The following SI variants were observed in gnomAD, a reference collection of about 807,000 sequenced individuals.
The protein encoded by SI is sucrase-isomaltase, intestinal.
SI carries 235 observed loss-of-function variants against 253.3 expected under a neutral mutation model. That is an observed-to-expected ratio of 0.93 (90% CI 0.83 to 1.03). The LOEUF (loss-of-function observed/expected upper bound fraction) is 1.03, where lower values mean the gene tolerates loss of function less well. SI is among the 50% of genes least tolerant of loss of function. SI has a pLI of 0.00. For missense variants in SI, 2,442 were observed against 2,211.1 expected (o/e 1.10, Z -2.09); for synonymous variants, 819 against 712.0 (o/e 1.15, Z -2.39).
At chr3:165,058,399 C>T (rs933977965) in intron 12 of SI, among the ~76,000 whole-genome samples, 2 of 151,248 alleles carry the variant, frequency 1.3e-5, no homozygotes, top group Admixed American at 1.3e-4. Context: ...CAAGAGCAAA[C>T]CAAACCCTAA....
chr3:165,002,367 A>T (rs1285688242), intron 37 of SI, among the ~76,000 whole-genome samples: 1 of 151,744 alleles, frequency 6.6e-6, no homozygotes, highest in African/African-American at 2.4e-5. Flanking sequence ...AGTGTCCATG[A>T]TTCTTTGTGT....
chr3:165,059,812 A>G, intron 10 of SI, 90 bp downstream of exon 10: 1 of 1,285,716 alleles, frequency 7.8e-7, no homozygotes. Context: ...TAATGTATAT[A>G]GTAGATACTC....
chr3:165,037,961 A>T lies in SI; in HGVS notation c.2365T>A (p.Leu789Ile). Residue 789 changes from leucine (L) to isoleucine (I), a missense_variant, in exon 21 of 48, where the codon TTA becomes ATA. Physicochemically the swap from Leu to Ile is conservative, Grantham distance 5. Transcript: ENST00000264382. ...ATGATATAACCTCCTCTAAGATGTA[A>T]TCCTATTTTGTCTGCTGGAAGATAC... The part of the protein sequence containing the change: ...DMYLPADKIG[L>I]HLRGGYIIPI... 6.2e-7 allele frequency: 1 copy of T among 1,611,664 alleles called. No individual in the cohort carries two copies. Among genetic ancestry groups the T allele is most frequent in the Non-Finnish European group, 8.5e-7 (1 of 1,178,542 alleles).
At chr3:165,062,238 A>C in intron 9 of SI, 133 bp downstream of exon 9, 1 of 630,624 alleles carries the variant, frequency 1.6e-6, no homozygotes, top group Non-Finnish European at 2.9e-6. Context: ...TGCATCTTAA[A>C]TATGATAAGA....
intron 28 of SI, 119 bp from the exon 29 acceptor site, chr3:165,018,185 A>T (rs895194004): frequency 4.4e-6 from 3 of 678,044 alleles, no homozygotes; most frequent in Middle Eastern, 4.1e-4. Flanking sequence ...CCGTTTCCCA[A>T]CCTTAAACTA....
At chr3:165,046,467 G>T (rs1713122147) in intron 16 of SI, among the ~76,000 whole-genome samples, 1 of 151,572 alleles carries the variant, frequency 6.6e-6, no homozygotes, top group Non-Finnish European at 1.5e-5. Flanking sequence ...ATCTAAACTG[G>T]TAATCTAATA....
At chr3:165,019,561 G>T (rs369094576) in intron 28 of SI, 41 bp downstream of exon 28, 173 of 1,584,452 alleles carry the variant, frequency 1.1e-4, no homozygotes, top group Non-Finnish European at 1.5e-4. Flanking sequence ...TCTACTCATG[G>T]TCTTAGTTGC....
At chr3:165,029,459 T>A (rs750775399) in intron 25 of SI, among the ~76,000 whole-genome samples, 2 of 149,882 alleles carry the variant, frequency 1.3e-5, no homozygotes, top group Non-Finnish European at 3.0e-5. Context: ...GAAGTAATTA[T>A]ACAAAAAAGA....
rs373117775 is a variant in SI, at chr3:165,022,288, T to C, written c.3100-905A>G. ...GTTAGAAAATGTGTAGATTTTTACC[T>C]ATGTCACTTAACGCCTTTTTATCTG... On this transcript the variant is annotated intron_variant, in intron 26 of 47. Transcript: ENST00000264382. Among the ~76,000 whole-genome samples, 15 of 151,402 alleles carry C rather than the reference T, an allele frequency of 9.9e-5. No individual in the cohort carries two copies. The East Asian group carries it at 2.7e-3, about 28-fold the overall frequency.
At chr3:164,992,446 C>T in intron 41 of SI, 49 bp from the exon 42 acceptor site, 1 of 1,206,188 alleles carries the variant, frequency 8.3e-7, no homozygotes, top group Admixed American at 1.9e-5. Flanking sequence ...TAACTTTCTT[C>T]TGAATACCAT....
chr3:165,028,017 T>C (rs1316787886), intron 25 of SI, among the ~76,000 whole-genome samples: 1 of 151,432 alleles, frequency 6.6e-6, no homozygotes, highest in East Asian at 1.9e-4. Flanking sequence ...GCTGATGATA[T>C]GATTGTTTAC....
Position 165,043,044 on chromosome 3 carries a change from A to G in SI, c.2004+15T>C, listed in dbSNP as rs1712928698. 3 of 1,438,678 alleles carry G rather than the reference A, an allele frequency of 2.1e-6. No homozygotes were observed. The South Asian group carries it at 3.4e-5, about 16-fold the overall frequency. 89.1% of individuals were successfully genotyped at this position (1,438,678 alleles called of 1,614,324 possible). On this transcript the variant is annotated intron_variant, in intron 17 of 47. Transcript: ENST00000264382. Reference sequence around the variant, plus strand: ...TGTTTTTTATTTCGCAACATGGAGAACAAGAGGCTCTTACTTCATATCCGT... The same window carrying G: ...TGTTTTTTATTTCGCAACATGGAGAGCAAGAGGCTCTTACTTCATATCCGT...
Position 165,049,178 on chromosome 3 carries a change from T to A in SI, c.1664A>T (p.Gln555Leu). 1 of 1,612,654 alleles carries A rather than the reference T, an allele frequency of 6.2e-7. No individual in the cohort carries two copies. Among genetic ancestry groups the A allele is most frequent in the Non-Finnish European group, 8.5e-7 (1 of 1,178,876 alleles). ...CMDAVQNWGK[Q>L]YDVHSLYGYS... ...TCCATAGAGGCTATGAACATCATAC[T>A]GTTTACCCCAGTTCTGCACAGCATC... is the stretch of plus-strand genomic sequence containing the variant. Residue 555 changes from glutamine to leucine, a missense_variant, in exon 15 of 48, where the codon CAG (glutamine) becomes CTG (leucine). Coordinates refer to ENST00000264382, the MANE Select transcript of SI (RefSeq NM_001041.4).
chr3:165,055,976 A>T (rs1214933804), intron 12 of SI, among the ~76,000 whole-genome samples: 1 of 152,104 alleles, frequency 6.6e-6, no homozygotes, highest in African/African-American at 2.4e-5. Flanking sequence ...ACAGTCTTAC[A>T]CCTGAGTCCA....
intron 7 of SI, among the ~76,000 whole-genome samples, chr3:165,064,399 A>T (rs1256071538): frequency 1.3e-5 from 2 of 152,274 alleles, no homozygotes; most frequent in East Asian, 3.9e-4. Context: ...TGATGCTGCA[A>T]ACAGAGATTA....
At chr3:164,998,428 G>A (rs1228824109) in intron 38 of SI, 112 bp downstream of exon 38, 16 of 1,095,310 alleles carry the variant, frequency 1.5e-5, no homozygotes, top group African/African-American at 1.6e-5. Flanking sequence ...CATAAAGTAC[G>A]ATGTGAAGAA....
intron 13 of SI, among the ~76,000 whole-genome samples, chr3:165,053,056 G>A (rs1406982816): frequency 2.6e-5 from 4 of 151,404 alleles, no homozygotes; most frequent in Admixed American, 2.0e-4. Flanking sequence ...AAATGGAAAT[G>A]GTATTTTAAT....
rs1162114501 is a variant in SI, at chr3:165,018,072, A to G, written c.3424-6T>C. On this transcript the variant is annotated splice_polypyrimidine_tract_variant and splice_region_variant and intron_variant, in intron 28 of 47. Coordinates refer to ENST00000264382, the MANE Select transcript of SI (RefSeq NM_001041.4). ...CCATAGGAATTAAGTTTGTACTGAA[A>G]TACGAAAAATAAGCACAATATATTT... 6.7e-6 allele frequency: 10 copies of G among 1,494,592 alleles called. No individual in the cohort carries two copies. Among genetic ancestry groups the G allele is most frequent in the Non-Finnish European group, 8.4e-6 (9 of 1,071,520 alleles). The allele number at this position is 1,494,592 out of a possible 1,614,324, so 92.6% of individuals were successfully genotyped here.
In SI at chr3:164,979,394, G is replaced by A. The variant is rs1717069802; in HGVS notation, c.5452C>T (p.Leu1818=). Residue 1818 remains leucine (L), a synonymous_variant, in exon 48 of 48, where the codon CTA becomes TTA. Transcript: ENST00000264382. ...CAGTTGATTTCTATTGGTTCTTCTA[G>A]AGTAACATTGTGTGTGGTCAGATCA... ...RIDLTTHNVT[L]EEPIEINWS The A allele has an allele frequency of 6.3e-7, 1 of 1,589,148 alleles. No individual in the cohort carries two copies. The highest frequency in any genetic ancestry group is 1.7e-5 in the Admixed American group (1 of 59,686).
Sources: allele counts gnomAD v4.1 joint callset (sites outside exome capture counted in the v4.1 genomes callset), GRCh38; gene constraint gnomAD v4.1.1; transcripts MANE v1.5; gene names NCBI Gene and HGNC (gene_info 2026-07-23, HGNC 2026-07-21).